Variants in THRAP3 observed in about 807,000 individuals in gnomAD.
THRAP3 encodes the protein thyroid hormone receptor associated protein 3.
In THRAP3, 16 loss-of-function variants were observed where a neutral mutation model predicts 101.0. The observed-to-expected ratio is 0.16, with a 90% CI of 0.11 to 0.24. The LOEUF is 0.24. THRAP3 is among the 10% of genes least tolerant of loss of function. The pLI is 1.00. For synonymous variants in THRAP3, 407 were observed against 422.6 expected (o/e 0.96, Z 0.45); for missense variants, 989 against 1,202.7 (o/e 0.82, Z 2.63).
At chr1:36,256,070 G>C (rs887806019) in intron 1 of THRAP3, among the ~76,000 whole-genome samples, 46 of 151,922 alleles carry the variant, frequency 3.0e-4, no homozygotes, top group Admixed American at 3.0e-3. Flanking sequence ...AGGCTGGAGT[G>C]CAGTAGTGTG....
rs66759336 is a variant in THRAP3 at position 36,249,685 on chromosome 1, AGTGTGTGTGTGTGT to A, written c.-134-9675_-134-9662del. Among the ~76,000 whole-genome samples, 5 of 138,114 alleles carry A rather than the reference AGTGTGTGTGTGTGT, an allele frequency of 3.6e-5. No individual in the cohort carries two copies. The South Asian group carries it at 7.3e-4, about 20-fold the overall frequency. 90.6% of individuals were successfully genotyped at this position (138,114 alleles called of 152,430 possible). A position where few individuals can be genotyped will look rare whatever the true frequency, so the allele number is the denominator to read the frequency against. Reference sequence around the variant, plus strand: ...TTTCGAATAAGCGAAGCAGGTGGTGAGTGTGTGTGTGTGTGTGTGTGTGTGTGTGTGTGTGGTGG... The same window carrying A: ...TTTCGAATAAGCGAAGCAGGTGGTGAGTGTGTGTGTGTGTGTGTGTGGTGG... On this transcript the variant is annotated intron_variant, in intron 1 of 11. Transcript: ENST00000354618.
rs749711467 is a variant in THRAP3 at position 36,287,261 on chromosome 1, A to G, written c.1031A>G (p.Tyr344Cys). 6 of 1,599,530 alleles carry G rather than the reference A, an allele frequency of 3.8e-6. No individual in the cohort carries two copies. The highest frequency in any genetic ancestry group is 3.4e-6 in the Non-Finnish European group (4 of 1,172,642). ...EESAASGGAA[Y>C]TKRYLEEQKT... ...AGTGCTGCTTCAGGAGGAGCAGCCTATACAAAGAGGCAAGTATCTCATTTC... is the reference window on the plus strand; with the variant it reads ...AGTGCTGCTTCAGGAGGAGCAGCCTGTACAAAGAGGCAAGTATCTCATTTC... Residue 344 changes from tyrosine (Y) to cysteine (C), a missense_variant, in exon 4 of 12, where the codon TAT (tyrosine) becomes TGT (cysteine). Tyr to Cys is a radical substitution (Grantham distance 194, BLOSUM62 -2). Coordinates refer to ENST00000354618, the MANE Select transcript of THRAP3 (RefSeq NM_005119.4).
chr1:36,263,907 T>A (rs1645478946), intron 2 of THRAP3, among the ~76,000 whole-genome samples: 1 of 152,242 alleles, frequency 6.6e-6, no homozygotes, highest in Non-Finnish European at 1.5e-5. Flanking sequence ...GAATGTGACC[T>A]TTTGACTTAG....
At chr1:36,210,258 C>T in the THRAP3 span, among the ~76,000 whole-genome samples, 5 of 149,322 alleles carry the variant, frequency 3.3e-5, no homozygotes, top group South Asian at 4.2e-4. Flanking sequence ...CCCAGCTGCT[C>T]GGGAGGCTGA....
chr1:36,305,015 TCTTTG>T lies in THRAP3; in HGVS notation c.*999_*1003del. ...GTTTTTTTGGGTTTCTTTTTTTTTT[TCTTTG>T]TCTTTTTAACCTTAAGCTGTTTAAG... On this transcript the variant is annotated 3_prime_UTR_variant, in exon 12 of 12. Transcript: ENST00000354618. 2 of 209,924 alleles carry T rather than the reference TCTTTG, an allele frequency of 9.5e-6. No homozygotes were observed. The highest frequency in any genetic ancestry group is 7.0e-5 in the East Asian group (1 of 14,264). The allele number at this position is 209,924 out of a possible 1,614,324, so 13.0% of individuals were successfully genotyped here.
intron 2 of THRAP3, among the ~76,000 whole-genome samples, chr1:36,276,161 G>A (rs1368751420): frequency 6.6e-6 from 1 of 151,508 alleles, no homozygotes; most frequent in Non-Finnish European, 1.5e-5. Flanking sequence ...GACAAAACCT[G>A]CTTAGACATG....
chr1:36,290,218 C>T (rs988910483), intron 5 of THRAP3, among the ~76,000 whole-genome samples: 8 of 150,710 alleles, frequency 5.3e-5, no homozygotes, highest in South Asian at 2.1e-4. Flanking sequence ...TTTTTTGAGA[C>T]GGGGTCTCCC....
At chr1:36,235,648 CA>C (rs757062263) in intron 1 of THRAP3, among the ~76,000 whole-genome samples, 3 of 151,972 alleles carry the variant, frequency 2.0e-5, no homozygotes, top group Non-Finnish European at 4.4e-5. Flanking sequence ...AATTCTCAAA[CA>C]CTGCTGGTAG....
chr1:36,288,305 C>G (rs1248236462), intron 4 of THRAP3: 15 of 849,348 alleles, frequency 1.8e-5, no homozygotes, highest in Admixed American at 6.2e-5. Flanking sequence ...ATCCTTGCCC[C>G]CTCCCATCCT....
chr1:36,209,387 G>A, the THRAP3 span, among the ~76,000 whole-genome samples: 42 of 152,250 alleles, frequency 2.8e-4, no homozygotes, highest in African/African-American at 9.1e-4. Context: ...ATTATTCTTC[G>A]TTGTGAGGGA....
chr1:36,283,485 A>G (rs564580452), intron 3 of THRAP3, among the ~76,000 whole-genome samples: 10 of 152,322 alleles, frequency 6.6e-5, no homozygotes, highest in African/African-American at 1.2e-4. Context: ...ACAAGTTTCT[A>G]TATGTGAGTT....
intron 1 of THRAP3, among the ~76,000 whole-genome samples, chr1:36,230,454 G>A (rs1047869399): frequency 1.4e-4 from 22 of 151,986 alleles, no homozygotes; most frequent in Admixed American, 1.4e-3. Context: ...GTAGAGATGA[G>A]GTTTCGCCAA....
At chr1:36,213,959 G>GA in the THRAP3 span, among the ~76,000 whole-genome samples, 9 of 107,566 alleles carry the variant, frequency 8.4e-5, no homozygotes, top group South Asian at 2.5e-4. Flanking sequence ...AAGAAAGAAA[G>GA]AAGGAAAGAG....
intron 3 of THRAP3, 144 bp downstream of exon 3, chr1:36,282,844 C>G: frequency 1.3e-6 from 1 of 796,298 alleles, no homozygotes; most frequent in Non-Finnish European, 2.0e-6. Flanking sequence ...ATAAGATATT[C>G]CAGGTCTCTT....
intron 1 of THRAP3, among the ~76,000 whole-genome samples, chr1:36,243,151 C>CTTTTTTTTTTT (rs58340320): frequency 3.3e-5 from 2 of 60,880 alleles, no homozygotes; most frequent in East Asian, 5.3e-4. Flanking sequence ...GAGGAACTTT[C>CTTTTTTTTTTT]TTTTTTTTTT....
At chr1:36,285,430 C>T (rs966772535) in intron 3 of THRAP3, among the ~76,000 whole-genome samples, 4 of 152,098 alleles carry the variant, frequency 2.6e-5, no homozygotes, top group Non-Finnish European at 5.9e-5. Context: ...CAAAGTTTCT[C>T]ATCATTGACA....
intron 1 of THRAP3, among the ~76,000 whole-genome samples, chr1:36,256,888 C>T (rs1217134452): frequency 6.6e-6 from 1 of 151,936 alleles, no homozygotes; most frequent in Non-Finnish European, 1.5e-5. Flanking sequence ...CTCTGCCTCC[C>T]AGGTTCAAGT....
At chr1:36,225,039 T>A (rs1250469835) in intron 1 of THRAP3, 2 of 152,254 alleles carry the variant, frequency 1.3e-5, no homozygotes, top group African/African-American at 4.8e-5. Flanking sequence ...CACTTTTTTC[T>A]TGGGCTGGAG....
At chr1:36,234,458 T>C (rs1254514126) in intron 1 of THRAP3, among the ~76,000 whole-genome samples, 2 of 152,198 alleles carry the variant, frequency 1.3e-5, no homozygotes, top group African/African-American at 4.8e-5. Context: ...AATGTCATTC[T>C]TCAGGCCAGT....
Sources: gnomAD v4.1 joint callset for allele counts (sites outside exome capture counted in the v4.1 genomes callset) on GRCh38, gnomAD v4.1.1 for gene constraint, MANE v1.5 for transcripts, NCBI Gene and HGNC (gene_info 2026-07-23, HGNC 2026-07-21) for gene names.